The following DNAI4 variants were observed in gnomAD, a reference collection of about 807,000 sequenced individuals.
DNAI4 encodes the protein WD repeat domain 78.
DNAI4 carries 85 observed loss-of-function variants against 105.8 expected under a neutral mutation model. That is an observed-to-expected ratio of 0.80 (90% confidence interval 0.67 to 0.96). The LOEUF is 0.96. Ranked by LOEUF, DNAI4 falls within the 40% of genes least tolerant of loss-of-function variation. The probability of loss-of-function intolerance (pLI) is 0.00; values close to 1 mark genes in which losing one functional copy is unlikely to be tolerated. For missense variants in DNAI4, 1,014 were observed against 1,005.6 expected (o/e 1.01, Z -0.11); for synonymous variants, 352 against 331.5 (o/e 1.06, Z -0.67).
At chr1:66,858,950 T>C (rs951126101) in intron 7 of DNAI4, among the ~76,000 whole-genome samples, 1 of 152,082 alleles carries the variant, frequency 6.6e-6, no homozygotes, top group Non-Finnish European at 1.5e-5. Context: ...TTTTTAGATA[T>C]AGCATCAAAA....
chr1:66,855,024 G>T (rs1646471717), intron 7 of DNAI4, among the ~76,000 whole-genome samples: 2 of 152,066 alleles, frequency 1.3e-5, no homozygotes, highest in African/African-American at 2.4e-5. Context: ...GATAGTAAAG[G>T]ATTCACCTGA....
At chr1:66,901,327 A>G (rs1648803138) in intron 2 of DNAI4, among the ~76,000 whole-genome samples, 1 of 152,156 alleles carries the variant, frequency 6.6e-6, no homozygotes. Context: ...TCTAATACAA[A>G]TGTATATCTA....
chr1:66,825,071 G>C (rs969458717), intron 15 of DNAI4, among the ~76,000 whole-genome samples: 2 of 151,760 alleles, frequency 1.3e-5, no homozygotes, highest in African/African-American at 2.4e-5. Context: ...GGAATATATA[G>C]AGACAGAGAC....
intron 16 of DNAI4, among the ~76,000 whole-genome samples, chr1:66,822,155 A>G (rs1645642043): frequency 6.7e-6 from 1 of 150,374 alleles, no homozygotes. Context: ...TATTCTCATT[A>G]TCTTTTACAG....
intron 6 of DNAI4, among the ~76,000 whole-genome samples, chr1:66,868,621 G>A (rs1003100639): frequency 1.3e-5 from 2 of 152,120 alleles, no homozygotes; most frequent in Non-Finnish European, 2.9e-5. Context: ...GAGGTAGACT[G>A]GAATCGATAC....
chr1:66,855,387 T>C (rs1646479736), intron 7 of DNAI4, among the ~76,000 whole-genome samples: 1 of 152,254 alleles, frequency 6.6e-6, no homozygotes, highest in South Asian at 2.1e-4. Flanking sequence ...TAATAAGCTA[T>C]CTTTGCAATG....
At position 66,899,471 on chromosome 1, in the gene DNAI4, A is replaced by G. The variant is rs3008885; in HGVS notation, c.345+5730T>C. Among the ~76,000 whole-genome samples, 472 of 152,338 alleles carry G rather than the reference A, an allele frequency of 3.1e-3. 2 individuals are homozygous for G. The highest frequency in any genetic ancestry group is 0.011 in the African/African-American group (461 of 41,570). Reference sequence around the variant, plus strand: ...TTAATGAATTGTAAGAGTTCTTTATATATGATAAAAGCTCTTATCAGATAT... The same window carrying G: ...TTAATGAATTGTAAGAGTTCTTTATGTATGATAAAAGCTCTTATCAGATAT... On this transcript the variant is annotated intron_variant, in intron 2 of 16. Transcript: ENST00000371026.
At chr1:66,871,575 A>G (rs1569680451) in intron 5 of DNAI4, 66 bp from the exon 6 acceptor site, 1 of 1,382,870 alleles carries the variant, frequency 7.2e-7, no homozygotes, top group Non-Finnish European at 9.6e-7. Context: ...ATCTCTTTAT[A>G]TTATTCTTTT....
chr1:66,858,532 C>CAAAAAAAAAAAAAAAAA (rs3033717), intron 7 of DNAI4, among the ~76,000 whole-genome samples: 8 of 63,570 alleles, frequency 1.3e-4, no homozygotes, highest in Non-Finnish European at 1.2e-4. Flanking sequence ...GACTCCGTCT[C>CAAAAAAAAAAAAAAAAA]AAAAAAAAAA....
chr1:66,899,048 T>C (rs760005493), intron 2 of DNAI4, among the ~76,000 whole-genome samples: 26 of 152,232 alleles, frequency 1.7e-4, no homozygotes, highest in East Asian at 5.8e-4. Context: ...TTGTCTATTA[T>C]GAATAATGCT....
In DNAI4 at chr1:66,860,556, C is replaced by G. The variant is rs577984239; in HGVS notation, c.1096+1591G>C. On this transcript the variant is annotated intron_variant, in intron 7 of 16. Transcript: ENST00000371026. The stretch of plus-strand genomic sequence containing the variant: ...TAGTTTCCCCTACTCCCTTGACTGG[C>G]TATAATAGTAAAATAAAGTATATCT... 2.3e-3 allele frequency among the ~76,000 whole-genome samples: 343 copies of G among 151,998 alleles called. 1 individual carries two copies. Among genetic ancestry groups the G allele is most frequent in the Non-Finnish European group, 4.1e-3 (281 of 67,920 alleles).
intron 7 of DNAI4, among the ~76,000 whole-genome samples, chr1:66,855,357 T>A (rs1646479058): frequency 6.6e-6 from 1 of 152,158 alleles, no homozygotes; most frequent in Non-Finnish European, 1.5e-5. Context: ...AATGCCTCCT[T>A]CTGAGATCTG....
intron 5 of DNAI4, among the ~76,000 whole-genome samples, chr1:66,872,997 G>A (rs939695968): frequency 5.3e-5 from 8 of 152,116 alleles, no homozygotes; most frequent in African/African-American, 7.2e-5. Flanking sequence ...AAAGGCTTGA[G>A]CTACCACACC....
At chr1:66,889,078 G>A (rs565789054) in intron 4 of DNAI4, among the ~76,000 whole-genome samples, 10 of 152,296 alleles carry the variant, frequency 6.6e-5, no homozygotes, top group African/African-American at 2.4e-4. Flanking sequence ...GGTCTCTCCT[G>A]CAGCAGACAT....
chr1:66,814,150 T>C lies in DNAI4; in HGVS notation c.2527A>G (p.Lys843Glu), dbSNP rs561232962. ...GDIMDTLLGS[K>E]SNQSA ...ATGAATTATGCTGATTGGTTTGACT[T>C]GGATCCAAGCAAAGTATCCATTATA... Residue 843 changes from lysine to glutamate, a missense_variant, in exon 17 of 17, where the codon AAG becomes GAG. By Grantham distance (56) the Lys-to-Glu change is moderately conservative. Coordinates refer to ENST00000371026, the MANE Select transcript of DNAI4 (RefSeq NM_024763.5). 14 of 1,591,984 alleles carry C rather than the reference T, an allele frequency of 8.8e-6. No homozygotes were observed. In the South Asian group the frequency reaches 1.2e-4, roughly 14 times the overall value.
At chr1:66,840,933 G>C (rs12030322) in intron 8 of DNAI4, among the ~76,000 whole-genome samples, 3 of 151,974 alleles carry the variant, frequency 2.0e-5, no homozygotes, top group Non-Finnish European at 4.4e-5. Context: ...AATGACAAAT[G>C]TGTGGTCTCT....
intron 10 of DNAI4, among the ~76,000 whole-genome samples, chr1:66,836,250 GAGAGAGAAAGAAAGAAAGAAAGAAAGAA>G (rs1188464641): frequency 3.2e-4 from 42 of 132,146 alleles, no homozygotes; most frequent in Non-Finnish European, 3.5e-4. Context: ...AAGAAAGAGA[GAGAGAGAAAGAAAGAAAGAAAGAAAGAA>G]AGAAAGAAAG....
chr1:66,893,098 A>AAAGG, intron 3 of DNAI4, 131 bp downstream of exon 3: 1 of 445,540 alleles, frequency 2.2e-6, no homozygotes, highest in Non-Finnish European at 3.8e-6. Flanking sequence ...AGAAAGAAAG[A>AAAGG]AAGAAAGAAA....
Position 66,862,212 on chromosome 1 carries a change from C to G in DNAI4, c.1031G>C (p.Ser344Thr). Residue 344 changes from serine (S) to threonine (T), a missense_variant, in exon 7 of 17, where the codon AGT becomes ACT. Coordinates refer to ENST00000371026, the MANE Select transcript of DNAI4 (RefSeq NM_024763.5). Reference sequence around the variant, plus strand: ...TTTAGGAAGTACATTTGCTTTACTACTTGACTCAACCACAGATTGTTTTAC... The same window carrying G: ...TTTAGGAAGTACATTTGCTTTACTAGTTGACTCAACCACAGATTGTTTTAC... ...LSVKQSVVES[S>T]SKANVLPKDQ... The G allele has an allele frequency of 6.2e-7, 1 of 1,608,208 alleles. No homozygotes were observed. The highest frequency in any genetic ancestry group is 1.7e-4 in the Middle Eastern group (1 of 6,056).
Sources: allele counts gnomAD v4.1 joint callset (sites outside exome capture counted in the v4.1 genomes callset), GRCh38; gene constraint gnomAD v4.1.1; transcripts MANE v1.5; gene names NCBI Gene and HGNC (gene_info 2026-07-23, HGNC 2026-07-21).